The following USP46 variants were observed in gnomAD, a reference collection of about 807,000 sequenced individuals.
USP46 encodes the protein ubiquitin carboxyl-terminal hydrolase 46.
In USP46, 12 loss-of-function variants were observed where a neutral mutation model predicts 44.4. That is an observed-to-expected ratio of 0.27 (90% CI 0.17 to 0.44). The LOEUF is 0.44. USP46 is among the 20% of genes least tolerant of loss of function. USP46 has a pLI of 1.00. For missense variants in USP46, 248 were observed against 444.8 expected (o/e 0.56, Z 3.98); for synonymous variants, 155 against 161.5 (o/e 0.96, Z 0.31).
At chr4:52,641,058 A>G (rs749469840) in intron 1 of USP46, among the ~76,000 whole-genome samples, 1 of 152,068 alleles carries the variant, frequency 6.6e-6, no homozygotes, top group Non-Finnish European at 1.5e-5. Context: ...GAGAGAATGA[A>G]GCAAAACTGG....
At chr4:52,651,191 T>C (rs961519200) in intron 1 of USP46, 2 of 152,074 alleles carry the variant, frequency 1.3e-5, no homozygotes, top group African/African-American at 4.8e-5. Flanking sequence ...AACTTTCACA[T>C]GGCAGGTAAT....
chr4:52,659,068 G>C lies in USP46; in HGVS notation c.36+47C>G. 1 of 1,530,496 alleles carries C rather than the reference G, an allele frequency of 6.5e-7. No homozygotes were observed. The highest frequency in any genetic ancestry group is 8.8e-7 in the Non-Finnish European group (1 of 1,139,388). The allele number at this position is 1,530,496 out of a possible 1,614,324, so 94.8% of individuals were successfully genotyped here. On this transcript the variant is annotated intron_variant, in intron 1 of 8. Coordinates refer to ENST00000441222, the MANE Select transcript of USP46 (RefSeq NM_022832.4). The surrounding 1 kb of genome is among the most constrained non-coding windows in gnomAD (Gnocchi z 4.2). ...GTGCAGCTCGGGCTTCCCTTTCTTT[G>C]CCTCGCCGCGAGTCGGGCGCGACCC... is the stretch of plus-strand genomic sequence containing the variant.
rs66817554 is a variant in USP46, at chr4:52,609,898, C to CTTTTTTTTTT, written c.638+633_638+642dup. Among the ~76,000 whole-genome samples the CTTTTTTTTTT allele has an allele frequency of 3.5e-3, 87 of 24,586 alleles. 20 individuals are homozygous for CTTTTTTTTTT. Among genetic ancestry groups the CTTTTTTTTTT allele is most frequent in the Non-Finnish European group, 5.6e-3 (68 of 12,208 alleles). 16.1% of individuals were successfully genotyped at this position (24,586 alleles called of 152,430 possible). A position where few individuals can be genotyped will look rare whatever the true frequency, so the allele number is the denominator to read the frequency against. The stretch of plus-strand genomic sequence containing the variant: ...GGAAACCTAAACCTCAATTCTATTT[C>CTTTTTTTTTT]TTTTTTTTTTTTTTTTTTTTTTTTT... On this transcript the variant is annotated intron_variant, in intron 5 of 8. Coordinates refer to ENST00000441222, the MANE Select transcript of USP46 (RefSeq NM_022832.4).
intron 2 of USP46, among the ~76,000 whole-genome samples, chr4:52,628,926 G>C (rs1717703649): frequency 6.6e-6 from 1 of 152,198 alleles, no homozygotes; most frequent in Non-Finnish European, 1.5e-5. Context: ...CATGGATACT[G>C]AGATTATTAT....
chr4:52,605,132 C>A (rs560147457), intron 5 of USP46, among the ~76,000 whole-genome samples: 2 of 152,290 alleles, frequency 1.3e-5, no homozygotes, highest in East Asian at 3.9e-4. Flanking sequence ...AAACCACATA[C>A]AAAACTGCCC....
intron 4 of USP46, among the ~76,000 whole-genome samples, chr4:52,622,313 T>TAC (rs908824137): frequency 2.7e-4 from 41 of 152,170 alleles, no homozygotes; most frequent in African/African-American, 9.4e-4. Context: ...ACATACGTTA[T>TAC]ACACACACAC....
intron 6 of USP46, among the ~76,000 whole-genome samples, chr4:52,603,097 A>C (rs1716540980): frequency 6.6e-6 from 1 of 152,260 alleles, no homozygotes; most frequent in South Asian, 2.1e-4. Flanking sequence ...AGCCCTGTTC[A>C]TATAAATAAG....
intron 4 of USP46, among the ~76,000 whole-genome samples, chr4:52,624,758 G>A (rs995744931): frequency 6.6e-6 from 1 of 152,110 alleles, no homozygotes; most frequent in Non-Finnish European, 1.5e-5. Context: ...TGAGGGTGGA[G>A]CCCTCATGAT....
intron 4 of USP46, among the ~76,000 whole-genome samples, chr4:52,613,663 AG>A: frequency 6.6e-6 from 1 of 151,484 alleles, no homozygotes; most frequent in Non-Finnish European, 1.5e-5. Context: ...CGGAGGTTGC[AG>A]TAAGCCGAGA....
At chr4:52,635,092 T>C (rs1437600385) in intron 1 of USP46, among the ~76,000 whole-genome samples, 2 of 151,652 alleles carry the variant, frequency 1.3e-5, no homozygotes, top group Non-Finnish European at 3.0e-5. Context: ...TTTTTTTTTT[T>C]TTTTTGCCTC....
intron 1 of USP46, chr4:52,656,412 A>AG: frequency 1.2e-6 from 1 of 807,072 alleles, no homozygotes. Flanking sequence ...CTGGGAAGGA[A>AG]GACTGGGAGG....
At chr4:52,598,741 T>G in intron 7 of USP46, 35 bp from the exon 8 acceptor site, 1 of 1,559,896 alleles carries the variant, frequency 6.4e-7, no homozygotes, top group South Asian at 1.2e-5. Flanking sequence ...GTTAGCAAGT[T>G]AACATTTATC....
intron 2 of USP46, chr4:52,629,553 G>C (rs766091964): frequency 2.2e-6 from 1 of 455,394 alleles, no homozygotes; most frequent in Non-Finnish European, 4.4e-6. Flanking sequence ...TCATAAGTCA[G>C]TATTTCACCA....
chr4:52,636,877 T>C (rs1260326537), intron 1 of USP46, among the ~76,000 whole-genome samples: 2 of 151,924 alleles, frequency 1.3e-5, no homozygotes, highest in African/African-American at 4.8e-5. Context: ...GGGTGTGATC[T>C]TGGCTCACTG....
intron 1 of USP46, among the ~76,000 whole-genome samples, chr4:52,643,040 G>T (rs868361473): frequency 1.3e-5 from 2 of 152,144 alleles, no homozygotes; most frequent in African/African-American, 4.8e-5. Flanking sequence ...AGAGGGTAGG[G>T]GAGGAGAAAA....
intron 1 of USP46, chr4:52,651,002 G>C (rs1272783757): frequency 6.6e-6 from 1 of 150,492 alleles, no homozygotes; most frequent in East Asian, 2.0e-4. Flanking sequence ...GCTGAGGCAG[G>C]AGAATCGCTT....
At chr4:52,630,630 C>A (rs1440875377) in intron 2 of USP46, among the ~76,000 whole-genome samples, 1 of 150,558 alleles carries the variant, frequency 6.6e-6, no homozygotes, top group Non-Finnish European at 1.5e-5. Context: ...CCCAGCTACT[C>A]GGGAGGCTGA....
rs188079832 is a variant in USP46 at position 52,592,190 on chromosome 4, A to T, written c.*5450T>A. 1 of 152,296 alleles carries T rather than the reference A, an allele frequency of 6.6e-6. No individual in the cohort carries two copies. Among genetic ancestry groups the T allele is most frequent in the African/African-American group, 2.4e-5 (1 of 41,546 alleles). The allele number at this position is 152,296 out of a possible 1,614,324, so 9.4% of individuals were successfully genotyped here. A position where few individuals can be genotyped will look rare whatever the true frequency, so the allele number is the denominator to read the frequency against. ...CCCAGACTTGTCTTCTGAGACAAAA[A>T]ACGAGTCCATAAGAGGGACCCAATC... On this transcript the variant is annotated 3_prime_UTR_variant, in exon 9 of 9. Coordinates refer to ENST00000441222, the MANE Select transcript of USP46 (RefSeq NM_022832.4).
chr4:52,659,140 C>A lies in USP46; in HGVS notation c.11G>T (p.Arg4Leu). 1 of 1,569,190 alleles carries A rather than the reference C, an allele frequency of 6.4e-7. No individual in the cohort carries two copies. Among genetic ancestry groups the A allele is most frequent in the Non-Finnish European group, 8.6e-7 (1 of 1,158,862 alleles). MTV[R>L]NIASICNMGT... ...CATATTACAGATGGAGGCGATGTTT[C>A]GGACAGTCATTAGTCTAAAGGTTGC... The change falls in exon 1 of 9, where the codon CGA (arginine) becomes CTA (leucine). Residue 4 changes from arginine to leucine, a missense_variant. Coordinates refer to ENST00000441222, the MANE Select transcript of USP46 (RefSeq NM_022832.4). This position sits in a 1 kb window ranked among gnomAD's most constrained non-coding sequence, Gnocchi z 4.2.
Sources: allele counts gnomAD v4.1 joint callset (sites outside exome capture counted in the v4.1 genomes callset), GRCh38; gene constraint gnomAD v4.1.1; non-coding constraint Gnocchi (gnomAD v3.1); transcripts MANE v1.5; gene names NCBI Gene and HGNC (gene_info 2026-07-23, HGNC 2026-07-21).